Variants in TMEM244 observed in about 807,000 individuals in gnomAD.
TMEM244 encodes the protein putative transmembrane protein 244.
Under a neutral mutation model 15.8 loss-of-function variants are expected in TMEM244, and 13 were observed. That is an observed-to-expected ratio of 0.82 (90% CI 0.53 to 1.30). TMEM244 has a LOEUF of 1.30. TMEM244 is among the 50% of genes most tolerant of loss of function. The pLI, the probability that TMEM244 is intolerant of heterozygous loss-of-function variation, is 0.00. For synonymous variants in TMEM244, 45 were observed against 48.7 expected (o/e 0.92, Z 0.32); for missense variants, 161 against 144.9 (o/e 1.11, Z -0.57).
At chr6:129,832,567 C>T (rs752348614) in intron 4 of TMEM244, among the ~76,000 whole-genome samples, 15 of 151,988 alleles carry the variant, frequency 9.9e-5, no homozygotes, top group African/African-American at 2.2e-4. Flanking sequence ...GGAGAAAATA[C>T]GGCGGATGAG....
chr6:129,837,213 A>C (rs1400883547), intron 3 of TMEM244, among the ~76,000 whole-genome samples: 1 of 152,246 alleles, frequency 6.6e-6, no homozygotes, highest in East Asian at 1.9e-4. Context: ...CCATCAGACT[A>C]ACAGTGGATC....
At chr6:129,852,446 T>G (rs1196342312) in intron 1 of TMEM244, among the ~76,000 whole-genome samples, 1 of 152,096 alleles carries the variant, frequency 6.6e-6, no homozygotes, top group Non-Finnish European at 1.5e-5. Context: ...TGATTCATCT[T>G]TATCATTGGA....
Position 129,833,425 on chromosome 6 carries a change from C to T in TMEM244, c.319+35G>A, listed in dbSNP as rs770777102. Reference sequence around the variant, plus strand: ...TTTATGTCCAACATCTGTTTTAATACATTTTCCTTGTTTCTGTTATTTTAT... The same window carrying T: ...TTTATGTCCAACATCTGTTTTAATATATTTTCCTTGTTTCTGTTATTTTAT... On this transcript the variant is annotated intron_variant, in intron 4 of 4. Coordinates refer to ENST00000368143, the MANE Select transcript of TMEM244 (RefSeq NM_001010876.2). 6 of 1,599,108 alleles carry T rather than the reference C, an allele frequency of 3.8e-6. No individual in the cohort carries two copies. In the African/African-American group the frequency reaches 8.1e-5, roughly 22 times the overall value.
At chr6:129,844,292 T>C (rs1036285347) in intron 2 of TMEM244, among the ~76,000 whole-genome samples, 15 of 152,194 alleles carry the variant, frequency 9.9e-5, no homozygotes, top group Non-Finnish European at 1.5e-4. Context: ...TTAATTTTAT[T>C]TGATGTCTCA....
intron 4 of TMEM244, 89 bp downstream of exon 4, chr6:129,833,371 C>G (rs1776357667): frequency 1.4e-6 from 2 of 1,392,248 alleles, no homozygotes; most frequent in Non-Finnish European, 1.9e-6. Context: ...CAAGAATATG[C>G]AGACAACAAA....
At chr6:129,833,690 G>A in intron 3 of TMEM244, 105 bp from the exon 4 acceptor site, 9 of 1,203,750 alleles carry the variant, frequency 7.5e-6, no homozygotes, top group South Asian at 3.3e-5. Context: ...AATAAATTTT[G>A]GTAAGAATTT....
intron 2 of TMEM244, 57 bp downstream of exon 2, chr6:129,845,710 A>T (rs1776551927): frequency 1.6e-6 from 2 of 1,243,606 alleles, no homozygotes; most frequent in African/African-American, 3.0e-5. Context: ...AAATATAAAC[A>T]TCTTTCCTAT....
chr6:129,837,098 G>A (rs116390727), intron 3 of TMEM244, among the ~76,000 whole-genome samples: 52 of 152,262 alleles, frequency 3.4e-4, no homozygotes, highest in African/African-American at 1.2e-3. Context: ...TCTTCGAGAA[G>A]AGCAATTCGA....
intron 3 of TMEM244, 43 bp from the exon 4 acceptor site, chr6:129,833,628 A>T: frequency 6.3e-7 from 1 of 1,575,990 alleles, no homozygotes; most frequent in Non-Finnish European, 8.6e-7. Context: ...GACTAGAGCA[A>T]TGAACATTCT....
Position 129,838,109 on chromosome 6 carries a change from T to C in TMEM244, c.194-4524A>G, listed in dbSNP as rs575673030. Among the ~76,000 whole-genome samples the C allele has an allele frequency of 2.1e-3, 314 of 152,284 alleles. 2 individuals are homozygous for C. The highest frequency in any genetic ancestry group is 7.1e-3 in the African/African-American group (297 of 41,572). The stretch of plus-strand genomic sequence containing the variant: ...TACCGAATTCTACACCCCAAATCAA[T>C]GGAATATACATTCTTCTCAGCACCA... On this transcript the variant is annotated intron_variant, in intron 3 of 4. Coordinates refer to ENST00000368143, the MANE Select transcript of TMEM244 (RefSeq NM_001010876.2).
chr6:129,861,084 A>T, intron 1 of TMEM244, 72 bp downstream of exon 1: 1 of 1,552,940 alleles, frequency 6.4e-7, no homozygotes, highest in South Asian at 1.1e-5. Context: ...GAGGCCATTT[A>T]TAGAACATAT....
chr6:129,843,384 T>G (rs1235023405), intron 3 of TMEM244, 146 bp downstream of exon 3: 3 of 471,582 alleles, frequency 6.4e-6, no homozygotes, highest in Non-Finnish European at 1.1e-5. Context: ...TTGATGGCAC[T>G]TTTCCTAATT....
Position 129,857,463 on chromosome 6 carries a change from C to G in TMEM244, c.33+3693G>C, listed in dbSNP as rs548667835. Among the ~76,000 whole-genome samples, 7 of 152,174 alleles carry G rather than the reference C, an allele frequency of 4.6e-5. 1 individual carries two copies. Among genetic ancestry groups the G allele is most frequent in the Admixed American group, 4.6e-4 (7 of 15,272 alleles). On this transcript the variant is annotated intron_variant, in intron 1 of 4. Transcript: ENST00000368143. ...CTCCGTCTCCTGGGTTTAAGCAATT[C>G]TCCTGCCTCAGCCTCCCAAGTAGCT...
intron 1 of TMEM244, among the ~76,000 whole-genome samples, chr6:129,855,753 C>A (rs558701116): frequency 1.3e-5 from 2 of 152,228 alleles, no homozygotes; most frequent in South Asian, 4.1e-4. Flanking sequence ...TGAGAAGATG[C>A]ATAATATGAC....
chr6:129,835,965 T>G (rs1305194667), intron 3 of TMEM244, among the ~76,000 whole-genome samples: 1 of 152,122 alleles, frequency 6.6e-6, no homozygotes, highest in Non-Finnish European at 1.5e-5. Context: ...CCTCTATAGA[T>G]TCTACCTCTT....
chr6:129,855,258 A>C (rs1776689858), intron 1 of TMEM244, among the ~76,000 whole-genome samples: 2 of 152,226 alleles, frequency 1.3e-5, no homozygotes, highest in Non-Finnish European at 2.9e-5. Flanking sequence ...TGTTCTATCA[A>C]GTTAGCGAAG....
chr6:129,861,108 T>TCAG, intron 1 of TMEM244, 48 bp downstream of exon 1: 1 of 1,607,738 alleles, frequency 6.2e-7, no homozygotes, highest in Non-Finnish European at 8.5e-7. Flanking sequence ...TTTACACCAG[T>TCAG]GCTAGGCAGC....
In TMEM244 at chr6:129,843,588, A is replaced by G; in HGVS notation, c.135T>C (p.Asn45=). 1 of 1,611,786 alleles carries G rather than the reference A, an allele frequency of 6.2e-7. No homozygotes were observed. The highest frequency in any genetic ancestry group is 1.1e-5 in the South Asian group (1 of 90,914). The part of the protein sequence containing the change: ...GCVMFEVHEL[N]VLAPFDFKTN... ...TTTTGAAATCAAATGGAGCCAGGAC[A>G]TTCAACTCATGCACCCTAAAGATGT... Residue 45 remains asparagine, a synonymous_variant, in exon 3 of 5, where the codon AAT becomes AAC. Coordinates refer to ENST00000368143, the MANE Select transcript of TMEM244 (RefSeq NM_001010876.2).
At chr6:129,836,700 A>G (rs1299112039) in intron 3 of TMEM244, among the ~76,000 whole-genome samples, 1 of 152,202 alleles carries the variant, frequency 6.6e-6, no homozygotes, top group Non-Finnish European at 1.5e-5. Flanking sequence ...TGAATGGCTA[A>G]CTAGAATAAA....
Sources: gnomAD v4.1 joint callset for allele counts (sites outside exome capture counted in the v4.1 genomes callset) on GRCh38, gnomAD v4.1.1 for gene constraint, MANE v1.5 for transcripts, NCBI Gene and HGNC (gene_info 2026-07-23, HGNC 2026-07-21) for gene names.